ABCB9: variants seen among roughly 807,000 people sequenced by gnomAD.
The protein encoded by ABCB9 is ATP binding cassette subfamily B member 9.
ABCB9 carries 36 observed loss-of-function variants against 62.0 expected under a neutral mutation model. The ratio of observed to expected loss-of-function variants is 0.58; its 90% confidence interval spans 0.45 to 0.77. The LOEUF (loss-of-function observed/expected upper bound fraction) is 0.77, where lower values mean the gene tolerates loss of function less well. Among genes scored for constraint, ABCB9 ranks in the 30% least tolerant of loss-of-function variants. ABCB9 has a pLI of 0.00. For synonymous variants in ABCB9, 435 were observed against 461.4 expected (o/e 0.94, Z 0.73); for missense variants, 943 against 1,054.7 (o/e 0.89, Z 1.47).
chr12:122,930,493 T>G lies in ABCB9; in HGVS notation c.2041-322A>C, dbSNP rs2035098630. ...TGCGATCTCAGCTCACTGCAACCTC[T>G]GCCTCGTGGGTTCAATCGAGTCTCA... On this transcript the variant is annotated intron_variant, in intron 11 of 11. Coordinates refer to ENST00000280560, the MANE Select transcript of ABCB9 (RefSeq NM_019625.4). This position sits in a 1 kb window ranked among gnomAD's most constrained non-coding sequence, Gnocchi z 4.9. Among the ~76,000 whole-genome samples, 1 of 150,306 alleles carries G rather than the reference T, an allele frequency of 6.7e-6. No individual in the cohort carries two copies. The highest frequency in any genetic ancestry group is 1.5e-5 in the Non-Finnish European group (1 of 67,664).
intron 4 of ABCB9, 149 bp from the exon 5 acceptor site, chr12:122,948,978 A>G (rs1308079236): frequency 3.2e-6 from 2 of 626,392 alleles, no homozygotes; most frequent in Non-Finnish European, 5.3e-6. Context: ...AAGAGCAGAT[A>G]CCCCTCGAGG....
At chr12:122,942,278 G>T (rs570979060) in intron 7 of ABCB9, among the ~76,000 whole-genome samples, 36 of 151,950 alleles carry the variant, frequency 2.4e-4, no homozygotes, top group Non-Finnish European at 4.4e-4. Flanking sequence ...AGCAACAGCC[G>T]GTAGTAAACA....
chr12:122,936,390 T>C (rs1166927584), intron 9 of ABCB9, among the ~76,000 whole-genome samples: 2 of 152,232 alleles, frequency 1.3e-5, no homozygotes, highest in Non-Finnish European at 2.9e-5. Context: ...ATGTCTTAGT[T>C]ACAAGATTCA....
Position 122,930,230 on chromosome 12 carries a change from T to G in ABCB9, c.2041-59A>C. 1 of 1,465,384 alleles carries G rather than the reference T, an allele frequency of 6.8e-7. No individual in the cohort carries two copies. Among genetic ancestry groups the G allele is most frequent in the African/African-American group, 1.4e-5 (1 of 72,038 alleles). 90.8% of individuals were successfully genotyped at this position (1,465,384 alleles called of 1,614,324 possible). The stretch of plus-strand genomic sequence containing the variant: ...ACGGACGCCCCACCCGCAACCGTGC[T>G]TCATGCCACGGCCTATGGGCTGATG... On this transcript the variant is annotated intron_variant, in intron 11 of 11. Transcript: ENST00000280560. This position sits in a 1 kb window ranked among gnomAD's most constrained non-coding sequence, Gnocchi z 4.9.
rs2035037334 is a variant in ABCB9, at chr12:122,929,779, T to C, written c.*132A>G. The C allele has an allele frequency of 2.1e-6, 3 of 1,419,608 alleles. No individual in the cohort carries two copies. The highest frequency in any genetic ancestry group is 2.8e-6 in the Non-Finnish European group (3 of 1,088,320). The allele number at this position is 1,419,608 out of a possible 1,614,324, so 87.9% of individuals were successfully genotyped here. Reference sequence around the variant, plus strand: ...AGGGGCAAGATGCAGGAAGCGGTGATCCATGGGACATGGCAGGTCGTCTTT... The same window carrying C: ...AGGGGCAAGATGCAGGAAGCGGTGACCCATGGGACATGGCAGGTCGTCTTT... On this transcript the variant is annotated 3_prime_UTR_variant, in exon 12 of 12. Coordinates refer to ENST00000280560, the MANE Select transcript of ABCB9 (RefSeq NM_019625.4). The surrounding 1 kb of genome is among the most constrained non-coding windows in gnomAD (Gnocchi z 6.0).
intron 5 of ABCB9, chr12:122,948,073 C>T (rs889763641): frequency 6.6e-6 from 1 of 152,658 alleles, no homozygotes; most frequent in African/African-American, 2.4e-5. Flanking sequence ...GCTGGGACCA[C>T]AGGCATGCGC....
chr12:122,932,303 C>T lies in ABCB9; in HGVS notation c.1929G>A (p.Leu643=), dbSNP rs773334111. The change falls in exon 11 of 12, where the codon CTG becomes CTA. Residue 643 remains leucine (L), a synonymous_variant. Transcript: ENST00000280560. The surrounding 1 kb of genome is among the most constrained non-coding windows in gnomAD (Gnocchi z 4.7). ...STETGEKGAQ[L]SGGQKQRVAM... Reference sequence around the variant, plus strand: ...CCACCCGCTGCTTCTGGCCACCTGACAGCTGGGCGCCCTTCTCCCCTGTCT... The same window carrying T: ...CCACCCGCTGCTTCTGGCCACCTGATAGCTGGGCGCCCTTCTCCCCTGTCT... The T allele has an allele frequency of 2.6e-6, 4 of 1,551,110 alleles. No homozygotes were observed. Among genetic ancestry groups the T allele is most frequent in the African/African-American group, 2.7e-5 (2 of 73,058 alleles).
intron 1 of ABCB9, among the ~76,000 whole-genome samples, chr12:122,962,268 G>A (rs891406579): frequency 3.3e-5 from 5 of 152,296 alleles, no homozygotes; most frequent in Non-Finnish European, 5.9e-5. Flanking sequence ...GGACCGGGCT[G>A]GGGTGTGTCC....
At chr12:122,951,348 C>T (rs554098340) in intron 2 of ABCB9, 2 of 151,472 alleles carry the variant, frequency 1.3e-5, no homozygotes, top group East Asian at 3.9e-4. Flanking sequence ...CCTCAGACTC[C>T]TGAGTAGCCG....
At chr12:122,924,947 C>CAAA, downstream of ABCB9, 1 of 890,280 alleles carries the variant, frequency 1.1e-6, no homozygotes, top group African/African-American at 1.7e-5. Context: ...GACAGAGTCT[C>CAAA]ACTCTGTCAC....
chr12:122,950,849 T>G, intron 2 of ABCB9: 1 of 354,860 alleles, frequency 2.8e-6, no homozygotes, highest in East Asian at 4.8e-5. Flanking sequence ...GGATGCTTCA[T>G]TCTCTTGTTT....
chr12:122,951,350 G>C (rs1326752219), intron 2 of ABCB9: 1 of 150,044 alleles, frequency 6.7e-6, no homozygotes, highest in Non-Finnish European at 1.5e-5. Flanking sequence ...TCAGACTCCT[G>C]AGTAGCCGGG....
intron 5 of ABCB9, 87 bp from the exon 6 acceptor site, chr12:122,946,309 A>G: frequency 7.1e-7 from 1 of 1,401,244 alleles, no homozygotes; most frequent in Non-Finnish European, 9.9e-7. Flanking sequence ...GGGTTTTTCC[A>G]CCCTTCGCTG....
chr12:122,942,885 A>G (rs2035840721), intron 7 of ABCB9, among the ~76,000 whole-genome samples: 1 of 152,196 alleles, frequency 6.6e-6, no homozygotes, highest in African/African-American at 2.4e-5. Flanking sequence ...GTACTCTTGA[A>G]GCATGGATTC....
chr12:122,946,333 G>T, intron 5 of ABCB9, 111 bp from the exon 6 acceptor site: 1 of 1,080,520 alleles, frequency 9.3e-7, no homozygotes, highest in Non-Finnish European at 1.4e-6. Context: ...CCAGCTATAT[G>T]CAAGAGGTTC....
intron 7 of ABCB9, among the ~76,000 whole-genome samples, chr12:122,942,676 T>C (rs1187573508): frequency 6.7e-6 from 1 of 150,248 alleles, no homozygotes; most frequent in Non-Finnish European, 1.5e-5. Flanking sequence ...TGGTGGCATG[T>C]GACTGTAACC....
At chr12:122,955,831 C>T (rs532882120) in intron 2 of ABCB9, among the ~76,000 whole-genome samples, 1 of 152,016 alleles carries the variant, frequency 6.6e-6, no homozygotes, top group Non-Finnish European at 1.5e-5. Flanking sequence ...CCTGCATCAG[C>T]CTTCTGAGTA....
chr12:122,950,755 G>A, intron 2 of ABCB9, 190 bp from the exon 3 acceptor site: 1 of 556,398 alleles, frequency 1.8e-6, no homozygotes, highest in Non-Finnish European at 3.2e-6. Context: ...AGAGAACAGG[G>A]GAGCACTGGG....
chr12:122,958,042 C>A (rs944704550), intron 2 of ABCB9, among the ~76,000 whole-genome samples: 1 of 150,904 alleles, frequency 6.6e-6, no homozygotes, highest in African/African-American at 2.4e-5. Flanking sequence ...TGGTGGCAGG[C>A]GCCTGTAATC....
Sources: gnomAD v4.1 joint callset for allele counts (sites outside exome capture counted in the v4.1 genomes callset) on GRCh38, gnomAD v4.1.1 for gene constraint, Gnocchi (gnomAD v3.1) non-coding constraint, MANE v1.5 for transcripts, NCBI Gene and HGNC (gene_info 2026-07-23, HGNC 2026-07-21) for gene names.